The following GMDS variants were observed in gnomAD, a reference collection of about 807,000 sequenced individuals.
GMDS encodes GDP-mannose 4,6-dehydratase, also known as GDP-mannose 4,6 dehydratase.
GMDS carries 20 observed loss-of-function variants against 49.9 expected under a neutral mutation model. The ratio of observed to expected loss-of-function variants is 0.40; its 90% CI spans 0.28 to 0.58. GMDS has a LOEUF of 0.58. Ranked by LOEUF, GMDS falls within the 20% of genes least tolerant of loss-of-function variation. The pLI is 0.42. For synonymous variants in GMDS, 177 were observed against 178.6 expected (o/e 0.99, Z 0.07); for missense variants, 362 against 481.4 (o/e 0.75, Z 2.32).
intron 7 of GMDS, among the ~76,000 whole-genome samples, chr6:1,872,265 A>G (rs2296132): frequency 3.3e-5 from 5 of 152,258 alleles, no homozygotes; most frequent in African/African-American, 1.2e-4. Flanking sequence ...CAAAGGGAAC[A>G]GATAATATTT....
intron 4 of GMDS, among the ~76,000 whole-genome samples, chr6:2,096,838 A>G (rs1278749520): frequency 2.0e-5 from 3 of 152,182 alleles, no homozygotes; most frequent in African/African-American, 7.2e-5. Context: ...TGAACACATG[A>G]CTTTATATTT....
intron 4 of GMDS, among the ~76,000 whole-genome samples, chr6:1,966,899 G>A (rs1764293443): frequency 6.6e-6 from 1 of 152,094 alleles, no homozygotes; most frequent in Admixed American, 6.5e-5. Flanking sequence ...CCTTAATTTA[G>A]TCTGGCATCA....
intron 9 of GMDS, among the ~76,000 whole-genome samples, chr6:1,686,162 G>T (rs1323230424): frequency 6.6e-6 from 1 of 152,190 alleles, no homozygotes; most frequent in Non-Finnish European, 1.5e-5. Flanking sequence ...CTGTGAGAGA[G>T]GAGCAGAACT....
chr6:1,944,892 T>G (rs890328426), intron 6 of GMDS, among the ~76,000 whole-genome samples: 12 of 152,134 alleles, frequency 7.9e-5, no homozygotes, highest in African/African-American at 2.9e-4. Flanking sequence ...TAATGACAGT[T>G]TCTGTTATTC....
intron 4 of GMDS, among the ~76,000 whole-genome samples, chr6:2,109,862 A>C (rs1293380204): frequency 6.6e-6 from 1 of 152,198 alleles, no homozygotes; most frequent in African/African-American, 2.4e-5. Flanking sequence ...GCCACAGGCC[A>C]GGCCCTCATC....
intron 9 of GMDS, among the ~76,000 whole-genome samples, chr6:1,689,721 G>T (rs1027788055): frequency 2.0e-5 from 3 of 152,052 alleles, no homozygotes; most frequent in African/African-American, 7.2e-5. Context: ...CTAATTCAAC[G>T]GTCACCTTGG....
intron 1 of GMDS, among the ~76,000 whole-genome samples, chr6:2,174,855 C>A (rs1353530921): frequency 2.0e-5 from 3 of 152,000 alleles, no homozygotes; most frequent in Non-Finnish European, 4.4e-5. Context: ...AGGCATGATC[C>A]ACCATGCCTG....
chr6:1,769,467 T>G (rs1340965433), intron 7 of GMDS, among the ~76,000 whole-genome samples: 2 of 152,226 alleles, frequency 1.3e-5, no homozygotes, highest in African/African-American at 4.8e-5. Context: ...TGGAATTGAT[T>G]GGCATTCTGT....
chr6:1,931,547 G>A (rs1762284910), intron 6 of GMDS, among the ~76,000 whole-genome samples: 1 of 151,992 alleles, frequency 6.6e-6, no homozygotes, highest in African/African-American at 2.4e-5. Context: ...AGCACATAGA[G>A]GTCCTTCAAA....
chr6:2,104,878 A>G (rs1774132988), intron 4 of GMDS, among the ~76,000 whole-genome samples: 1 of 152,208 alleles, frequency 6.6e-6, no homozygotes, highest in Admixed American at 6.5e-5. Context: ...GCCAAATGAT[A>G]GAGTGAAATG....
chr6:2,192,096 CA>C (rs1321970251), intron 1 of GMDS, among the ~76,000 whole-genome samples: 1 of 152,156 alleles, frequency 6.6e-6, no homozygotes, highest in Non-Finnish European at 1.5e-5. Context: ...GCTGCAGAGA[CA>C]ATGGGACAAG....
At chr6:1,753,744 C>CA (rs1442325058) in intron 7 of GMDS, among the ~76,000 whole-genome samples, 4 of 152,160 alleles carry the variant, frequency 2.6e-5, no homozygotes, top group African/African-American at 9.7e-5. Context: ...CAAAACCACA[C>CA]AAATATATGG....
chr6:2,015,476 AT>A, intron 4 of GMDS, among the ~76,000 whole-genome samples: 1 of 152,206 alleles, frequency 6.6e-6, no homozygotes, highest in Non-Finnish European at 1.5e-5. Flanking sequence ...TAAAACTACA[AT>A]TTATCAAAAT....
intron 7 of GMDS, among the ~76,000 whole-genome samples, chr6:1,830,373 C>G (rs1386350015): frequency 6.6e-6 from 1 of 152,192 alleles, no homozygotes; most frequent in African/African-American, 2.4e-5. Context: ...ACCATTCCCC[C>G]AGTAGCGACA....
intron 1 of GMDS, among the ~76,000 whole-genome samples, chr6:2,224,237 G>C (rs571540393): frequency 2.6e-5 from 4 of 152,208 alleles, no homozygotes; most frequent in African/African-American, 9.7e-5. Context: ...AACAAAGGCT[G>C]GGGGAATAAT....
intron 7 of GMDS, among the ~76,000 whole-genome samples, chr6:1,791,260 C>T (rs757656470): frequency 6.6e-6 from 1 of 152,186 alleles, no homozygotes; most frequent in Admixed American, 6.5e-5. Flanking sequence ...GCTGCCAATA[C>T]AAACTACCTT....
intron 1 of GMDS, among the ~76,000 whole-genome samples, chr6:2,179,026 C>T (rs972724343): frequency 9.2e-5 from 14 of 152,110 alleles, no homozygotes; most frequent in East Asian, 1.9e-4. Context: ...GCATAAACAG[C>T]GAATAAGAAT....
chr6:1,794,832 A>G (rs1769675646), intron 7 of GMDS, among the ~76,000 whole-genome samples: 1 of 152,202 alleles, frequency 6.6e-6, no homozygotes, highest in Non-Finnish European at 1.5e-5. Context: ...AAATGTATTT[A>G]AAAGTTAATT....
chr6:1,835,903 G>C (rs1756902957), intron 7 of GMDS, among the ~76,000 whole-genome samples: 1 of 149,868 alleles, frequency 6.7e-6, no homozygotes, highest in South Asian at 2.1e-4. Context: ...TTATTTTTTT[G>C]AGACGGAGTC....
Sources: allele counts gnomAD v4.1 joint callset (sites outside exome capture counted in the v4.1 genomes callset), GRCh38; gene constraint gnomAD v4.1.1; transcripts MANE v1.5; gene names NCBI Gene and HGNC (gene_info 2026-07-23, HGNC 2026-07-21).